The following ARHGEF28 variants were observed in gnomAD, a reference collection of about 807,000 sequenced individuals.
ARHGEF28 encodes 190 kDa guanine nucleotide exchange factor.
In ARHGEF28, 152 loss-of-function variants were observed where a neutral mutation model predicts 206.6. The ratio of observed to expected loss-of-function variants is 0.74; its 90% CI spans 0.64 to 0.84. The LOEUF (loss-of-function observed/expected upper bound fraction) is 0.84, where lower values mean the gene tolerates loss of function less well. Among genes scored for constraint, ARHGEF28 ranks in the 40% least tolerant of loss-of-function variants. The pLI, the probability that ARHGEF28 is intolerant of heterozygous loss-of-function variation, is 0.00. For synonymous variants in ARHGEF28, 763 were observed against 776.4 expected, an observed-to-expected ratio of 0.98 and a Z score of 0.29; for missense variants, 2,028 against 2,073.2, an observed-to-expected ratio of 0.98 and a Z score of 0.42.
rs889349482 is a variant in ARHGEF28, at chr5:73,685,211, G to T, written c.33+327G>T. 4.6e-5 allele frequency among the ~76,000 whole-genome samples: 7 copies of T among 152,232 alleles called. No individual in the cohort carries two copies. The South Asian group carries it at 6.2e-4, about 14-fold the overall frequency. ...TGATAATAGTCAAGAACTTTTCTAT[G>T]TGTGTCTTTTTGAGGGGAAGGTTTC... is the stretch of plus-strand genomic sequence containing the variant. On this transcript the variant is annotated intron_variant, in intron 2 of 35. Coordinates refer to ENST00000513042, the MANE Select transcript of ARHGEF28 (RefSeq NM_001177693.2).
intron 1 of ARHGEF28, among the ~76,000 whole-genome samples, chr5:73,665,428 C>T (rs1402695480): frequency 1.3e-5 from 2 of 152,110 alleles, no homozygotes; most frequent in East Asian, 3.9e-4. Context: ...CTCAAGAGAT[C>T]CTCCCACCTC....
intron 2 of ARHGEF28, among the ~76,000 whole-genome samples, chr5:73,705,552 CCTT>C (rs932038342): frequency 6.6e-6 from 1 of 152,156 alleles, no homozygotes; most frequent in African/African-American, 2.4e-5. Flanking sequence ...TTAGCACTGT[CCTT>C]CTTGGTTTTT....
At chr5:73,769,498 CA>C (rs1485398897) in intron 4 of ARHGEF28, among the ~76,000 whole-genome samples, 1 of 152,194 alleles carries the variant, frequency 6.6e-6, no homozygotes, top group Non-Finnish European at 1.5e-5. Context: ...TCCCTTTTGA[CA>C]TTATATTCAT....
At chr5:73,646,591 G>T (rs1314276235) in intron 1 of ARHGEF28, among the ~76,000 whole-genome samples, 7 of 152,106 alleles carry the variant, frequency 4.6e-5, no homozygotes, top group Admixed American at 1.3e-4. Flanking sequence ...TTGCTCTGTT[G>T]TCTCCTCTGC....
chr5:73,694,518 G>A (rs1382593211), intron 2 of ARHGEF28, among the ~76,000 whole-genome samples: 1 of 152,188 alleles, frequency 6.6e-6, no homozygotes, highest in African/African-American at 2.4e-5. Context: ...TAGGCATGAT[G>A]GAAATGGGTT....
At chr5:73,691,113 A>G (rs1747800999) in intron 2 of ARHGEF28, among the ~76,000 whole-genome samples, 1 of 152,056 alleles carries the variant, frequency 6.6e-6, no homozygotes, top group Non-Finnish European at 1.5e-5. Flanking sequence ...TATTTTTTGT[A>G]GAGATGGGGT....
chr5:73,928,271 C>A (rs1456740625), intron 35 of ARHGEF28, among the ~76,000 whole-genome samples: 1 of 152,156 alleles, frequency 6.6e-6, no homozygotes, highest in Non-Finnish European at 1.5e-5. Context: ...CAAAAATTAG[C>A]CAGGCATGGT....
chr5:73,816,687 A>G (rs1756233551), intron 9 of ARHGEF28, among the ~76,000 whole-genome samples: 1 of 152,234 alleles, frequency 6.6e-6, no homozygotes, highest in African/African-American at 2.4e-5. Flanking sequence ...GTACTTTCTT[A>G]TCCTTATGCC....
chr5:73,739,716 T>A (rs1210923179), intron 2 of ARHGEF28, among the ~76,000 whole-genome samples: 7 of 151,090 alleles, frequency 4.6e-5, no homozygotes, highest in Non-Finnish European at 8.8e-5. Flanking sequence ...GAGACTGAGG[T>A]GGGAATATCA....
intron 4 of ARHGEF28, among the ~76,000 whole-genome samples, chr5:73,764,493 T>A (rs1370225625): frequency 1.3e-5 from 2 of 152,234 alleles, no homozygotes; most frequent in African/African-American, 4.8e-5. Flanking sequence ...CATTCCAGTG[T>A]TATACAGCAC....
At chr5:73,696,586 T>G (rs1317058661) in intron 2 of ARHGEF28, among the ~76,000 whole-genome samples, 1 of 152,224 alleles carries the variant, frequency 6.6e-6, no homozygotes, top group East Asian at 1.9e-4. Context: ...ACTCAAACAT[T>G]CAATTAAAAT....
chr5:73,649,671 C>T (rs1177729624), intron 1 of ARHGEF28, among the ~76,000 whole-genome samples: 1 of 152,130 alleles, frequency 6.6e-6, no homozygotes. Flanking sequence ...TTTGTTATTT[C>T]TGTTGTATGT....
intron 1 of ARHGEF28, among the ~76,000 whole-genome samples, chr5:73,651,096 G>A (rs368926020): frequency 6.6e-5 from 10 of 152,170 alleles, no homozygotes; most frequent in Admixed American, 1.3e-4. Flanking sequence ...GTAAGATTTC[G>A]TGAGAACTCA....
chr5:73,882,380 A>G, intron 22 of ARHGEF28, 92 bp from the exon 23 acceptor site: 1 of 911,570 alleles, frequency 1.1e-6, no homozygotes, highest in Non-Finnish European at 1.5e-6. Flanking sequence ...TTATTTGCAA[A>G]TACTATTTTG....
At chr5:73,796,010 T>C (rs1422301148) in intron 9 of ARHGEF28, among the ~76,000 whole-genome samples, 1 of 152,196 alleles carries the variant, frequency 6.6e-6, no homozygotes, top group Admixed American at 6.5e-5. Flanking sequence ...GATTACAATA[T>C]TCTGTTTCAC....
intron 16 of ARHGEF28, chr5:73,862,961 G>T (rs773959573): frequency 1.3e-5 from 2 of 149,838 alleles, no homozygotes; most frequent in Non-Finnish European, 3.0e-5. Context: ...GAAACTTCAT[G>T]TACCAAGGGA....
intron 16 of ARHGEF28, among the ~76,000 whole-genome samples, chr5:73,863,710 T>C (rs1464123084): frequency 6.6e-6 from 1 of 151,474 alleles, no homozygotes; most frequent in Non-Finnish European, 1.5e-5. Flanking sequence ...CAGTGGTTGC[T>C]TCTTCTGGTG....
chr5:73,695,923 C>T (rs574602694), intron 2 of ARHGEF28, among the ~76,000 whole-genome samples: 2 of 152,280 alleles, frequency 1.3e-5, no homozygotes, highest in South Asian at 4.1e-4. Context: ...TCCTCATTCT[C>T]TTATTTCTAG....
intron 22 of ARHGEF28, among the ~76,000 whole-genome samples, chr5:73,877,910 G>T (rs1041336148): frequency 1.2e-4 from 18 of 152,278 alleles, no homozygotes; most frequent in African/African-American, 9.6e-5. Context: ...GTTGATTTGG[G>T]GTGGAGAGTT....
Sources: allele counts gnomAD v4.1 joint callset (sites outside exome capture counted in the v4.1 genomes callset), GRCh38; gene constraint gnomAD v4.1.1; transcripts MANE v1.5; gene names NCBI Gene and HGNC (gene_info 2026-07-23, HGNC 2026-07-21).